KIAA0319L: variants seen among roughly 807,000 people sequenced by gnomAD.
The protein encoded by KIAA0319L is dyslexia-associated protein KIAA0319-like protein.
In KIAA0319L, 55 loss-of-function variants were observed where a neutral mutation model predicts 120.1. The ratio of observed to expected loss-of-function variants is 0.46; its 90% CI spans 0.37 to 0.57. The LOEUF (loss-of-function observed/expected upper bound fraction) is 0.57. Among genes scored for constraint, KIAA0319L ranks in the 20% least tolerant of loss-of-function variants. KIAA0319L has a pLI of 0.00. For missense variants in KIAA0319L, 1,049 were observed against 1,255.3 expected (o/e 0.84, Z 2.48); for synonymous variants, 398 against 471.9 (o/e 0.84, Z 2.03).
At position 35,434,858 on chromosome 1, in the gene KIAA0319L, G is replaced by A; in HGVS notation, c.*36C>T. On this transcript the variant is annotated 3_prime_UTR_variant, in exon 21 of 21. Transcript: ENST00000325722. ...GAGGTAGGAGGACTGGCCGGGCAGT[G>A]TGCTGGGCCCTGCCCTGAGGAGACA... 3 of 1,590,262 alleles carry A rather than the reference G, an allele frequency of 1.9e-6. No individual in the cohort carries two copies. Among genetic ancestry groups the A allele is most frequent in the Non-Finnish European group, 2.6e-6 (3 of 1,165,506 alleles).
intron 3 of KIAA0319L, among the ~76,000 whole-genome samples, chr1:35,483,162 A>G (rs916992273): frequency 4.6e-5 from 7 of 152,178 alleles, no homozygotes; most frequent in Non-Finnish European, 5.9e-5. Flanking sequence ...TCAGACATAT[A>G]ATTTGCAAAT....
At chr1:35,473,104 CT>C (rs1223716143) in intron 5 of KIAA0319L, among the ~76,000 whole-genome samples, 1 of 70,408 alleles carries the variant, frequency 1.4e-5, no homozygotes, top group Non-Finnish European at 2.7e-5. Flanking sequence ...TTTTTTTTTT[CT>C]TTTTTTTTGA....
At chr1:35,450,742 G>A (rs765503873) in intron 13 of KIAA0319L, among the ~76,000 whole-genome samples, 3 of 152,148 alleles carry the variant, frequency 2.0e-5, no homozygotes, top group South Asian at 2.1e-4. Flanking sequence ...CAGAGGGGAC[G>A]AGTGTGCTTT....
At chr1:35,455,086 C>A (rs1177578064) in intron 10 of KIAA0319L, among the ~76,000 whole-genome samples, 1 of 152,170 alleles carries the variant, frequency 6.6e-6, no homozygotes, top group East Asian at 1.9e-4. Context: ...TAATTTTGGG[C>A]AAACTTCCAA....
intron 20 of KIAA0319L, among the ~76,000 whole-genome samples, chr1:35,436,052 G>A (rs1001764739): frequency 1.3e-5 from 2 of 152,008 alleles, no homozygotes; most frequent in African/African-American, 2.4e-5. Flanking sequence ...ACATCTTAGG[G>A]AGAGGGGAGA....
At chr1:35,487,296 G>A (rs543181119) in intron 3 of KIAA0319L, among the ~76,000 whole-genome samples, 1 of 151,804 alleles carries the variant, frequency 6.6e-6, no homozygotes, top group Admixed American at 6.6e-5. Flanking sequence ...CTGTTGCTCA[G>A]GCTGGAGTAC....
At chr1:35,501,024 A>G (rs939647020) in intron 3 of KIAA0319L, among the ~76,000 whole-genome samples, 9 of 152,142 alleles carry the variant, frequency 5.9e-5, no homozygotes, top group Admixed American at 6.5e-5. Context: ...GCATGCAGCA[A>G]AAGCCCACTC....
intron 5 of KIAA0319L, among the ~76,000 whole-genome samples, chr1:35,471,351 C>T (rs1339084420): frequency 1.3e-5 from 2 of 152,176 alleles, no homozygotes; most frequent in Non-Finnish European, 2.9e-5. Flanking sequence ...CAACAAAGAA[C>T]AGCAATGACT....
chr1:35,515,457 G>A (rs1350019354), intron 2 of KIAA0319L, among the ~76,000 whole-genome samples: 1 of 152,106 alleles, frequency 6.6e-6, no homozygotes, highest in Non-Finnish European at 1.5e-5. Context: ...GCCCCTGAAT[G>A]ACTTTTGGGT....
At position 35,488,896 on chromosome 1, in the gene KIAA0319L, G is replaced by A. The variant is rs965117897; in HGVS notation, c.667-9684C>T. 9.9e-5 allele frequency among the ~76,000 whole-genome samples: 15 copies of A among 152,184 alleles called. 1 individual carries two copies. The highest frequency in any genetic ancestry group is 3.6e-4 in the African/African-American group (15 of 41,434). ...AATTCCACATGGCTGAGGATTAGAT[G>A]TAAGTGAATAAAGAAGAGACAGCAA... On this transcript the variant is annotated intron_variant, in intron 3 of 20. Coordinates refer to ENST00000325722, the MANE Select transcript of KIAA0319L (RefSeq NM_024874.5).
At chr1:35,501,172 A>G (rs1276030333) in intron 3 of KIAA0319L, among the ~76,000 whole-genome samples, 3 of 152,230 alleles carry the variant, frequency 2.0e-5, no homozygotes, top group African/African-American at 4.8e-5. Flanking sequence ...GTAAACTAGA[A>G]GAAAGAATTC....
chr1:35,488,513 C>T (rs966611490), intron 3 of KIAA0319L, among the ~76,000 whole-genome samples: 1 of 152,082 alleles, frequency 6.6e-6, no homozygotes, highest in African/African-American at 2.4e-5. Context: ...AGCTAAAATA[C>T]CTCTGGGAAA....
At chr1:35,542,817 C>A (rs1237445183) in intron 2 of KIAA0319L, among the ~76,000 whole-genome samples, 9 of 152,202 alleles carry the variant, frequency 5.9e-5, no homozygotes, top group African/African-American at 1.7e-4. Context: ...TTCGGCCCTG[C>A]AATTGTTGTT....
At chr1:35,518,860 C>T (rs377037617) in intron 2 of KIAA0319L, among the ~76,000 whole-genome samples, 19 of 151,256 alleles carry the variant, frequency 1.3e-4, no homozygotes, top group Non-Finnish European at 2.8e-4. Context: ...AAAAATTAGC[C>T]GGGCATGGTG....
In KIAA0319L at chr1:35,437,093, C is replaced by T. The variant is rs1213242416; in HGVS notation, c.2963-2012G>A. On this transcript the variant is annotated intron_variant, in intron 20 of 20. Transcript: ENST00000325722. The surrounding 1 kb of genome is among the most constrained non-coding windows in gnomAD (Gnocchi z 4.1). ...TTCGGTAGACACTGCCCACAAGAGA[C>T]CAGCCCTGCTGCCCTCACCTGGTCG... Among the ~76,000 whole-genome samples the T allele has an allele frequency of 6.6e-6, 1 of 152,178 alleles. No individual in the cohort carries two copies. The highest frequency in any genetic ancestry group is 1.5e-5 in the Non-Finnish European group (1 of 68,038).
At chr1:35,508,589 A>C (rs1188921217) in intron 2 of KIAA0319L, among the ~76,000 whole-genome samples, 2 of 151,820 alleles carry the variant, frequency 1.3e-5, no homozygotes, top group Non-Finnish European at 2.9e-5. Context: ...AGAAAATAGA[A>C]CTCCCTTAAA....
intron 2 of KIAA0319L, among the ~76,000 whole-genome samples, chr1:35,519,405 T>A (rs369175280): frequency 1.3e-4 from 20 of 152,366 alleles, no homozygotes; most frequent in African/African-American, 4.3e-4. Flanking sequence ...TAATTCTACG[T>A]AAACTTCCAC....
At chr1:35,539,960 T>C (rs1183391623) in intron 2 of KIAA0319L, among the ~76,000 whole-genome samples, 2 of 152,228 alleles carry the variant, frequency 1.3e-5, no homozygotes, top group Admixed American at 1.3e-4. Context: ...GTCATTCCCC[T>C]TATTACCTAA....
intron 15 of KIAA0319L, 50 bp from the exon 16 acceptor site, chr1:35,448,382 C>T (rs770522047): frequency 6.5e-7 from 1 of 1,538,712 alleles, no homozygotes; most frequent in Non-Finnish European, 8.9e-7. Context: ...AGAGTAAACA[C>T]AGACCTGCCA....
Sources: gnomAD v4.1 joint callset for allele counts (sites outside exome capture counted in the v4.1 genomes callset) on GRCh38, gnomAD v4.1.1 for gene constraint, Gnocchi (gnomAD v3.1) non-coding constraint, MANE v1.5 for transcripts, NCBI Gene and HGNC (gene_info 2026-07-23, HGNC 2026-07-21) for gene names.